Variants in DENND5A observed in about 807,000 individuals in gnomAD.
DENND5A encodes the protein DENN domain containing 5A, also known as DENN domain-containing protein 5A.
A neutral mutation model predicts 140.3 loss-of-function variants in DENND5A; 64 were observed. The observed-to-expected ratio is 0.46, with a 90% confidence interval of 0.37 to 0.56. DENND5A has a LOEUF of 0.56. Ranked by LOEUF, DENND5A falls within the 20% of genes least tolerant of loss-of-function variation. DENND5A has a pLI of 0.00. For synonymous variants in DENND5A, 605 were observed against 607.7 expected, an observed-to-expected ratio of 1.00 and a Z score of 0.07; for missense variants, 1,292 against 1,593.8, an observed-to-expected ratio of 0.81 and a Z score of 3.22.
chr11:9,264,830 G>C, intron 1 of DENND5A, 131 bp downstream of exon 1: 1 of 750,776 alleles, frequency 1.3e-6, no homozygotes, highest in Non-Finnish European at 2.1e-6. Flanking sequence ...CCCTTCGCCC[G>C]CGCCCGCCCT....
intron 4 of DENND5A, among the ~76,000 whole-genome samples, chr11:9,197,120 A>T (rs2136201276): frequency 6.6e-6 from 1 of 151,054 alleles, no homozygotes; most frequent in East Asian, 2.0e-4. Flanking sequence ...ACCTGGCAAG[A>T]ATAGCAAAAC....
At chr11:9,168,503 A>AT (rs1478323731) in intron 10 of DENND5A, among the ~76,000 whole-genome samples, 1 of 152,192 alleles carries the variant, frequency 6.6e-6, no homozygotes, top group Non-Finnish European at 1.5e-5. Flanking sequence ...AAACAGACTA[A>AT]TACACTCAGT....
At chr11:9,190,624 G>A (rs561452904) in intron 5 of DENND5A, among the ~76,000 whole-genome samples, 7 of 152,078 alleles carry the variant, frequency 4.6e-5, no homozygotes, top group Non-Finnish European at 8.8e-5. Context: ...TAAACTGCCC[G>A]GTCTCAGGTA....
At chr11:9,200,224 AACACTC>A (rs1849477777) in intron 4 of DENND5A, among the ~76,000 whole-genome samples, 1 of 152,188 alleles carries the variant, frequency 6.6e-6, no homozygotes, top group East Asian at 1.9e-4. Flanking sequence ...TGTATCTTCT[AACACTC>A]TATATAGTTT....
intron 20 of DENND5A, 49 bp downstream of exon 20, chr11:9,143,354 T>C: frequency 6.7e-7 from 1 of 1,501,056 alleles, no homozygotes; most frequent in Non-Finnish European, 9.3e-7. Context: ...ACAAAATTAT[T>C]CTCTCTTATT....
chr11:9,218,953 C>T (rs1850205777), intron 1 of DENND5A, among the ~76,000 whole-genome samples: 2 of 152,004 alleles, frequency 1.3e-5, no homozygotes, highest in South Asian at 4.2e-4. Flanking sequence ...TTGCAGTAAG[C>T]CAAGATCGCG....
chr11:9,203,391 C>A, intron 4 of DENND5A: 1 of 354,684 alleles, frequency 2.8e-6, no homozygotes, highest in Non-Finnish European at 5.2e-6. Flanking sequence ...CTCCTACCCA[C>A]CCCTCTTTTC....
intron 1 of DENND5A, among the ~76,000 whole-genome samples, chr11:9,236,362 T>C (rs1445086541): frequency 6.6e-6 from 1 of 151,586 alleles, no homozygotes; most frequent in Non-Finnish European, 1.5e-5. Flanking sequence ...CGAAACCCTG[T>C]CTCTACTAAA....
In DENND5A at chr11:9,229,491, G is replaced by A. The variant is rs76693208; in HGVS notation, c.110-21859C>T. ...CACTCCTCTTACTCCCCCAAAGCAA[G>A]TCATAGAAACCAGAATCCCCCTTTC... On this transcript the variant is annotated intron_variant, in intron 1 of 22. Transcript: ENST00000328194. 2.6e-3 allele frequency among the ~76,000 whole-genome samples: 390 copies of A among 152,144 alleles called. 2 individuals carry two copies. The highest frequency in any genetic ancestry group is 8.8e-3 in the African/African-American group (366 of 41,516).
At chr11:9,198,114 A>T (rs577831837) in intron 4 of DENND5A, among the ~76,000 whole-genome samples, 1 of 152,302 alleles carries the variant, frequency 6.6e-6, no homozygotes, top group African/African-American at 2.4e-5. Context: ...GAGGGCAAAA[A>T]GAAAGGATGT....
intron 1 of DENND5A, among the ~76,000 whole-genome samples, chr11:9,246,955 G>T (rs951329538): frequency 6.6e-6 from 1 of 152,066 alleles, no homozygotes; most frequent in South Asian, 2.1e-4. Flanking sequence ...CCTTGGCCGG[G>T]CGCGGTGGCT....
intron 1 of DENND5A, among the ~76,000 whole-genome samples, chr11:9,238,618 G>A (rs1215921505): frequency 5.3e-5 from 8 of 151,786 alleles, no homozygotes; most frequent in Non-Finnish European, 8.8e-5. Context: ...GTTTCACCAT[G>A]TTAGCCAGGA....
chr11:9,193,675 T>G lies in DENND5A; in HGVS notation c.956A>C (p.Gln319Pro). The G allele has an allele frequency of 6.2e-7, 1 of 1,606,268 alleles. No homozygotes were observed. The highest frequency in any genetic ancestry group is 8.5e-7 in the Non-Finnish European group (1 of 1,177,170). ...CGTCTCCGCCACAGTCATCAGTCTC[T>G]GGTAATCTGGGTCAACAACAACAAA... ...FQILLYSQHYQRLMTVAETIT... is the reference protein window; with the variant it reads ...FQILLYSQHYPRLMTVAETIT... The change falls in exon 5 of 23, where the codon CAG (glutamine) becomes CCG (proline). Residue 319 changes from glutamine to proline, a missense_variant. Transcript: ENST00000328194.
Position 9,165,818 on chromosome 11 carries a change from G to A in DENND5A, c.2283+18C>T, listed in dbSNP as rs1848169958. ...TGCTAACAGAAATAGCACACATACA[G>A]AGATGTCCACAGCTTACCTTATTGC... On this transcript the variant is annotated intron_variant, in intron 11 of 22. Transcript: ENST00000328194. 7 of 1,613,482 alleles carry A rather than the reference G, an allele frequency of 4.3e-6. No homozygotes were observed. Among genetic ancestry groups the A allele is most frequent in the Non-Finnish European group, 5.9e-6 (7 of 1,179,662 alleles).
rs1214893115 is a variant in DENND5A at position 9,160,787 on chromosome 11, C to G, written c.2362G>C (p.Glu788Gln). ...AGGCTGGCAATCAGGGTGTTCTCTTCCACCCCTGTGATGTTCACCTCCCCA... is the reference window on the plus strand; with the variant it reads ...AGGCTGGCAATCAGGGTGTTCTCTTGCACCCCTGTGATGTTCACCTCCCCA... ...GHGEVNITGV[E>Q]ENTLIASLCD... is the part of the protein sequence containing the mutation. Residue 788 changes from glutamate to glutamine, a missense_variant, in exon 12 of 23, where the codon GAA (glutamate) becomes CAA (glutamine). Physicochemically the swap from Glu to Gln is conservative, Grantham distance 29 (BLOSUM62 2). Around this residue, in one of 4 missense-constraint regions of DENND5A, gnomAD observed 498 missense variants for 689.7 expected, o/e 0.72. Coordinates refer to ENST00000328194, the MANE Select transcript of DENND5A (RefSeq NM_015213.4). 1 of 1,614,022 alleles carries G rather than the reference C, an allele frequency of 6.2e-7. No individual in the cohort carries two copies. The highest frequency in any genetic ancestry group is 1.1e-5 in the South Asian group (1 of 91,068).
Position 9,245,849 on chromosome 11 carries a change from G to C in DENND5A, c.109+19112C>G, listed in dbSNP as rs1018297864. Among the ~76,000 whole-genome samples the C allele has an allele frequency of 2.6e-5, 4 of 152,100 alleles. No homozygotes were observed. In the East Asian group the frequency reaches 7.8e-4, roughly 30 times the overall value. On this transcript the variant is annotated intron_variant, in intron 1 of 22. Coordinates refer to ENST00000328194, the MANE Select transcript of DENND5A (RefSeq NM_015213.4). ...GGGTTTTACCATGTTGGCCAGGCAG[G>C]TCTCAAACTCCTGACCTCAGGTGAT...
Position 9,144,269 on chromosome 11 carries a change from A to T in DENND5A, c.3132T>A (p.Cys1044Ter), listed in dbSNP as rs376362437. The T allele has an allele frequency of 6.2e-7, 1 of 1,613,848 alleles. No individual in the cohort carries two copies. The highest frequency in any genetic ancestry group is 1.3e-5 in the African/African-American group (1 of 74,916). Residue 1044 changes from cysteine to a stop codon, truncating the protein, a stop_gained, in exon 19 of 23, where the codon TGT (cysteine) becomes TGA (stop). Coordinates refer to ENST00000328194, the MANE Select transcript of DENND5A (RefSeq NM_015213.4). LOFTEE classifies it high-confidence loss of function. ...EITGHTYKFP[C>*]GRWLGKGMDD... The stretch of plus-strand genomic sequence containing the variant: ...CCATGCCCTTCCCTAACCACCGGCC[A>T]CACGGGAACCTGAAGATCAGACAAT...
chr11:9,199,289 G>A (rs576213048), intron 4 of DENND5A, among the ~76,000 whole-genome samples: 8 of 152,100 alleles, frequency 5.3e-5, no homozygotes, highest in African/African-American at 1.9e-4. Context: ...CTTAAGCCCA[G>A]AGTTCAAGAT....
chr11:9,212,301 CATAAT>C (rs796397729), intron 1 of DENND5A, among the ~76,000 whole-genome samples: 5 of 152,120 alleles, frequency 3.3e-5, no homozygotes, highest in African/African-American at 1.2e-4. Flanking sequence ...ACAAGTCTAA[CATAAT>C]ATAATTGGAG....
Sources: gnomAD v4.1 joint callset for allele counts (sites outside exome capture counted in the v4.1 genomes callset) on GRCh38, gnomAD v4.1.1 for gene constraint, gnomAD v4.1.1 regional missense constraint, MANE v1.5 for transcripts, NCBI Gene and HGNC (gene_info 2026-07-23, HGNC 2026-07-21) for gene names.